DLG2: variants seen among roughly 807,000 people sequenced by gnomAD.
DLG2 encodes disks large homolog 2.
A neutral mutation model predicts 132.5 loss-of-function variants in DLG2; 45 were observed. The observed-to-expected ratio is 0.34, with a 90% confidence interval of 0.27 to 0.44. The LOEUF is 0.44. DLG2 is among the 20% of genes least tolerant of loss of function. The pLI is 1.00. For synonymous variants in DLG2, 424 were observed against 419.6 expected (o/e 1.01, Z -0.13); for missense variants, 1,045 against 1,196.9 (o/e 0.87, Z 1.87).
chr11:84,215,531 C>T (rs1449757489), intron 8 of DLG2, among the ~76,000 whole-genome samples: 1 of 152,020 alleles, frequency 6.6e-6, no homozygotes, highest in Non-Finnish European at 1.5e-5. Context: ...GCTGGTTCAG[C>T]TTAAAGTCCA....
chr11:84,207,747 C>A (rs987474635), intron 8 of DLG2, among the ~76,000 whole-genome samples: 6 of 152,052 alleles, frequency 3.9e-5, no homozygotes, highest in East Asian at 3.9e-4. Flanking sequence ...ATTTTAGAAT[C>A]CAACTCACTA....
At chr11:84,249,740 G>A (rs2097347549) in intron 8 of DLG2, among the ~76,000 whole-genome samples, 1 of 152,172 alleles carries the variant, frequency 6.6e-6, no homozygotes. Flanking sequence ...CTTCTACAGA[G>A]CCCTTTACTT....
chr11:84,712,159 G>A (rs541942538), intron 6 of DLG2, among the ~76,000 whole-genome samples: 1 of 152,140 alleles, frequency 6.6e-6, no homozygotes, highest in South Asian at 2.1e-4. Context: ...GTGAGTACAA[G>A]GCAAAAGGCT....
intron 3 of DLG2, among the ~76,000 whole-genome samples, chr11:85,529,850 T>C (rs1435493630): frequency 6.6e-6 from 1 of 152,176 alleles, no homozygotes; most frequent in African/African-American, 2.4e-5. Flanking sequence ...GATGAGTTTG[T>C]CTTTATCTAC....
chr11:84,278,231 C>A (rs971186464), intron 7 of DLG2, among the ~76,000 whole-genome samples: 4 of 151,834 alleles, frequency 2.6e-5, no homozygotes, highest in African/African-American at 9.7e-5. Flanking sequence ...AAAATTAATA[C>A]CTTAGATGAA....
chr11:83,701,946 G>T (rs910691633), intron 18 of DLG2, among the ~76,000 whole-genome samples: 2 of 152,196 alleles, frequency 1.3e-5, no homozygotes, highest in Non-Finnish European at 2.9e-5. Context: ...ATTTGAAGTT[G>T]AGAGATAGTC....
intron 3 of DLG2, among the ~76,000 whole-genome samples, chr11:85,517,343 T>C (rs1371864301): frequency 6.6e-6 from 1 of 151,996 alleles, no homozygotes; most frequent in Admixed American, 6.6e-5. Flanking sequence ...ATGTGGAAAA[T>C]TTGAAGGCAT....
intron 8 of DLG2, among the ~76,000 whole-genome samples, chr11:84,179,960 A>T (rs773380546): frequency 1.3e-5 from 2 of 152,138 alleles, no homozygotes; most frequent in Non-Finnish European, 2.9e-5. Flanking sequence ...ATTACCAAAG[A>T]TCTATTCAAA....
At chr11:84,743,050 T>A (rs997898025) in intron 6 of DLG2, among the ~76,000 whole-genome samples, 1 of 152,206 alleles carries the variant, frequency 6.6e-6, no homozygotes, top group African/African-American at 2.4e-5. Context: ...ACAAGATTTA[T>A]TCACTTTTTA....
At chr11:83,984,199 TAGATAGATA>T (rs1565910898) in intron 11 of DLG2, among the ~76,000 whole-genome samples, 5 of 24,460 alleles carry the variant, frequency 2.0e-4, no homozygotes, top group African/African-American at 5.1e-4. Flanking sequence ...AGATGATAGA[TAGATAGATA>T]GATAGATAGA....
chr11:84,871,032 T>C lies in DLG2; in HGVS notation c.357+240629A>G, dbSNP rs184100492. 1.6e-4 allele frequency among the ~76,000 whole-genome samples: 25 copies of C among 152,326 alleles called. No individual in the cohort carries two copies. The East Asian group carries it at 2.5e-3, about 15-fold the overall frequency. On this transcript the variant is annotated intron_variant, in intron 6 of 27. Coordinates refer to ENST00000376104, the MANE Select transcript of DLG2 (RefSeq NM_001142699.3). ...ATGTATCATGATTGCAGCTAACAAA[T>C]AGGAAACAGCCTTCGGAGGATAATG...
At chr11:85,605,481 T>C (rs1029624924) in intron 2 of DLG2, among the ~76,000 whole-genome samples, 2 of 152,268 alleles carry the variant, frequency 1.3e-5, no homozygotes, top group African/African-American at 4.8e-5. Context: ...AAAATGGTCC[T>C]ACCTTTATAA....
intron 3 of DLG2, among the ~76,000 whole-genome samples, chr11:85,570,980 CTT>C (rs1202109356): frequency 1.3e-5 from 2 of 151,998 alleles, no homozygotes; most frequent in African/African-American, 4.8e-5. Flanking sequence ...TATTAATACT[CTT>C]TATTTTGTGA....
chr11:85,285,610 G>A (rs574411107), intron 3 of DLG2, among the ~76,000 whole-genome samples: 1 of 152,050 alleles, frequency 6.6e-6, no homozygotes, highest in South Asian at 2.1e-4. Flanking sequence ...TGAATAAACT[G>A]TAGTAAATCC....
chr11:84,453,911 C>T (rs946567123), intron 7 of DLG2, among the ~76,000 whole-genome samples: 3 of 151,576 alleles, frequency 2.0e-5, no homozygotes, highest in Non-Finnish European at 4.4e-5. Context: ...GATCAGAAGC[C>T]GTTCTTCTTA....
At chr11:84,568,914 C>T (rs2099468983) in intron 6 of DLG2, among the ~76,000 whole-genome samples, 1 of 152,170 alleles carries the variant, frequency 6.6e-6, no homozygotes, top group Non-Finnish European at 1.5e-5. Context: ...AGGAGCATAA[C>T]GTATTTCACC....
rs898629817 is a variant in DLG2 at position 84,524,185 on chromosome 11, T to C, written c.519+10385A>G. On this transcript the variant is annotated intron_variant, in intron 7 of 27. Coordinates refer to ENST00000376104, the MANE Select transcript of DLG2 (RefSeq NM_001142699.3). The stretch of plus-strand genomic sequence containing the variant: ...GTGCTGGGTCCATTCAAAGCTGTCC[T>C]GAGTCACAGGTGGCCCATCACTGCA... Among the ~76,000 whole-genome samples, 4 of 152,196 alleles carry C rather than the reference T, an allele frequency of 2.6e-5. No homozygotes were observed. In the East Asian group the frequency reaches 7.7e-4, roughly 29 times the overall value.
At chr11:84,974,705 T>G (rs944061735) in intron 6 of DLG2, among the ~76,000 whole-genome samples, 8 of 152,194 alleles carry the variant, frequency 5.3e-5, no homozygotes, top group Non-Finnish European at 8.8e-5. Context: ...AATAGCAGTA[T>G]GTGAGAACTT....
chr11:84,930,640 A>G (rs2154090952), intron 6 of DLG2, among the ~76,000 whole-genome samples: 1 of 152,224 alleles, frequency 6.6e-6, no homozygotes, highest in South Asian at 2.1e-4. Flanking sequence ...CCAACACACA[A>G]GTCCTCAACT....
Sources: gnomAD v4.1 joint callset for allele counts (sites outside exome capture counted in the v4.1 genomes callset) on GRCh38, gnomAD v4.1.1 for gene constraint, MANE v1.5 for transcripts, NCBI Gene and HGNC (gene_info 2026-07-23, HGNC 2026-07-21) for gene names.